Variants in NDUFAF6 observed in about 807,000 individuals in gnomAD.
The protein encoded by NDUFAF6 is NADH:ubiquinone oxidoreductase complex assembly factor 6.
In NDUFAF6, 45 loss-of-function variants were observed where a neutral mutation model predicts 40.8. The observed-to-expected ratio is 1.10, with a 90% CI of 0.87 to 1.42. NDUFAF6 has a LOEUF of 1.42. Ranked by LOEUF, NDUFAF6 falls within the 40% of genes most tolerant of loss-of-function variation. NDUFAF6 has a pLI of 0.00. For missense variants in NDUFAF6, 435 were observed against 418.5 expected (o/e 1.04, Z -0.34); for synonymous variants, 185 against 155.9 (o/e 1.19, Z -1.39).
upstream of NDUFAF6, among the ~76,000 whole-genome samples, chr8:95,020,676 C>T (rs1053992026): frequency 5.3e-5 from 8 of 152,300 alleles, no homozygotes; most frequent in Middle Eastern, 3.4e-3. Flanking sequence ...GCCTTCAGAA[C>T]GATACACTAA....
chr8:95,077,308 G>C (rs1282383934), downstream of NDUFAF6, among the ~76,000 whole-genome samples: 1 of 152,188 alleles, frequency 6.6e-6, no homozygotes, highest in East Asian at 1.9e-4. Flanking sequence ...ACACAGCCTT[G>C]TAAGCACAGT....
upstream of NDUFAF6, among the ~76,000 whole-genome samples, chr8:95,097,123 A>G (rs537621595): frequency 1.6e-4 from 25 of 152,372 alleles, 1 homozygote; most frequent in South Asian, 3.9e-3. Flanking sequence ...GGAAATGTAC[A>G]TTATGAACTT....
At chr8:95,048,365 GT>G (rs1205937073) in intron 6 of NDUFAF6, 91 bp from the exon 7 acceptor site, 2 of 879,784 alleles carry the variant, frequency 2.3e-6, no homozygotes, top group African/African-American at 3.3e-5. Flanking sequence ...TGCTAAGTTA[GT>G]TTTAATTGTT....
chr8:95,046,597 C>T (rs2131895986), intron 5 of NDUFAF6, among the ~76,000 whole-genome samples: 1 of 152,280 alleles, frequency 6.6e-6, no homozygotes, highest in East Asian at 1.9e-4. Flanking sequence ...GCTCTGGTGA[C>T]ATGTTTGCCA....
intron 2 of NDUFAF6, chr8:94,950,081 G>C (rs544330822): frequency 2.6e-5 from 4 of 152,482 alleles, no homozygotes; most frequent in African/African-American, 9.6e-5. Flanking sequence ...TGAAGGCAGA[G>C]AGGTCAGCAG....
chr8:95,112,036 T>C (rs1169396181), intron 4 of NDUFAF6, among the ~76,000 whole-genome samples: 1 of 152,166 alleles, frequency 6.6e-6, no homozygotes, highest in Admixed American at 6.6e-5. Flanking sequence ...AAGAAACCCA[T>C]GCTTCCAACT....
downstream of NDUFAF6, among the ~76,000 whole-genome samples, chr8:95,079,719 C>CTTT (rs11440357): frequency 3.4e-5 from 5 of 146,624 alleles, no homozygotes; most frequent in African/African-American, 1.0e-4. Flanking sequence ...TTTTTTTAGA[C>CTTT]TTTTTTTTTT....
intron 1 of NDUFAF6, among the ~76,000 whole-genome samples, chr8:94,920,920 A>ACC (rs1360403373): frequency 6.6e-6 from 1 of 152,192 alleles, no homozygotes; most frequent in African/African-American, 2.4e-5. Context: ...CCACACTTAA[A>ACC]GCATTCACCT....
At chr8:95,107,434 C>T (rs1382432556), downstream of NDUFAF6, among the ~76,000 whole-genome samples, 1 of 152,042 alleles carries the variant, frequency 6.6e-6, no homozygotes, top group Non-Finnish European at 1.5e-5. Flanking sequence ...ACAATGAGAA[C>T]ACATGGACAC....
At chr8:95,047,578 C>T (rs1233752945) in intron 6 of NDUFAF6, among the ~76,000 whole-genome samples, 6 of 144,676 alleles carry the variant, frequency 4.1e-5, no homozygotes, top group African/African-American at 1.3e-4. Context: ...GGCGTGATCT[C>T]GGCTCACTGC....
intron 1 of NDUFAF6, among the ~76,000 whole-genome samples, chr8:95,026,233 T>C (rs993646174): frequency 2.0e-4 from 30 of 152,292 alleles, no homozygotes; most frequent in African/African-American, 6.7e-4. Context: ...TTTAGGAGGC[T>C]GAGACCGGTG....
chr8:95,026,599 T>A (rs1828168719), intron 1 of NDUFAF6, among the ~76,000 whole-genome samples: 1 of 152,206 alleles, frequency 6.6e-6, no homozygotes, highest in Non-Finnish European at 1.5e-5. Context: ...GTGAAAAGAT[T>A]GCATTATTTT....
At chr8:94,991,946 G>T (rs116479546) in intron 2 of NDUFAF6, among the ~76,000 whole-genome samples, 1,547 of 152,214 alleles carry the variant, frequency 0.01, 28 homozygotes, top group African/African-American at 0.035. Context: ...TTCTTGTACA[G>T]AGTGTCATTT....
chr8:95,081,620 CAA>C (rs1808872068), intron 2 of NDUFAF6, among the ~76,000 whole-genome samples: 1 of 152,154 alleles, frequency 6.6e-6, no homozygotes, highest in Non-Finnish European at 1.5e-5. Flanking sequence ...CGATAATACT[CAA>C]GAGCACAAAT....
chr8:95,004,135 G>A (rs1826855769), intron 2 of NDUFAF6, among the ~76,000 whole-genome samples: 1 of 152,072 alleles, frequency 6.6e-6, no homozygotes, highest in African/African-American at 2.4e-5. Context: ...CTGGCTGGGG[G>A]ACTTCTGATT....
chr8:94,973,708 CAAAA>C (rs34298876), intron 1 of NDUFAF6, among the ~76,000 whole-genome samples: 4 of 126,522 alleles, frequency 3.2e-5, no homozygotes, highest in Non-Finnish European at 5.0e-5. Context: ...GACTCTGTCT[CAAAA>C]AAAAAAAAAA....
At chr8:94,985,617 C>T (rs1187182571) in intron 2 of NDUFAF6, among the ~76,000 whole-genome samples, 1 of 136,458 alleles carries the variant, frequency 7.3e-6, no homozygotes, top group Non-Finnish European at 1.5e-5. Context: ...CTCACTGCAA[C>T]CTCCGCCTCC....
At chr8:95,098,008 G>A (rs751139673), upstream of NDUFAF6, among the ~76,000 whole-genome samples, 1 of 152,138 alleles carries the variant, frequency 6.6e-6, no homozygotes, top group East Asian at 1.9e-4. Context: ...AGAAAGGTGA[G>A]AGGAGTTTCC....
chr8:95,057,981 A>G lies in NDUFAF6; in HGVS notation c.*44A>G. On this transcript the variant is annotated 3_prime_UTR_variant, in exon 9 of 9. Coordinates refer to ENST00000396124, the MANE Select transcript of NDUFAF6 (RefSeq NM_152416.4). ...ATGTTAATTCTAGTCTATTAGTTTTATAAAAGTTAGGATTCTTATTTAGGA... is the reference window on the plus strand; with the variant it reads ...ATGTTAATTCTAGTCTATTAGTTTTGTAAAAGTTAGGATTCTTATTTAGGA... 1.3e-6 allele frequency: 2 copies of G among 1,527,670 alleles called. No homozygotes were observed. Among genetic ancestry groups the G allele is most frequent in the East Asian group, 4.6e-5 (2 of 43,946 alleles). 94.6% of individuals were successfully genotyped at this position (1,527,670 alleles called of 1,614,324 possible).
Sources: allele counts gnomAD v4.1 joint callset (sites outside exome capture counted in the v4.1 genomes callset), GRCh38; gene constraint gnomAD v4.1.1; transcripts MANE v1.5; gene names NCBI Gene and HGNC (gene_info 2026-07-23, HGNC 2026-07-21).